SOX5: variants seen among roughly 807,000 people sequenced by gnomAD.
SOX5 encodes the protein transcription factor SOX-5.
Under a neutral mutation model 92.0 loss-of-function variants are expected in SOX5, and 9 were observed. That is an observed-to-expected ratio of 0.10 (90% CI 0.06 to 0.17). The LOEUF is 0.17. SOX5 is among the 10% of genes least tolerant of loss of function. The pLI is 1.00. For synonymous variants in SOX5, 344 were observed against 336.3 expected, an observed-to-expected ratio of 1.02 and a Z score of -0.25; for missense variants, 642 against 944.5, an observed-to-expected ratio of 0.68 and a Z score of 4.20.
chr12:24,072,405 A>G (rs1941912824), intron 4 of SOX5, among the ~76,000 whole-genome samples: 1 of 152,252 alleles, frequency 6.6e-6, no homozygotes. Flanking sequence ...CAATTTATGG[A>G]ACAGATAACA....
At chr12:23,580,118 G>T (rs1949834445) in intron 9 of SOX5, among the ~76,000 whole-genome samples, 1 of 151,940 alleles carries the variant, frequency 6.6e-6, no homozygotes. Flanking sequence ...TACATTTATA[G>T]GGTTCATTAT....
chr12:23,994,463 A>G (rs1161146679), intron 4 of SOX5, among the ~76,000 whole-genome samples: 1 of 152,240 alleles, frequency 6.6e-6, no homozygotes, highest in Admixed American at 6.5e-5. Flanking sequence ...ATAGATACAG[A>G]TATCTACATC....
intron 4 of SOX5, among the ~76,000 whole-genome samples, chr12:24,052,770 C>T (rs1353652555): frequency 7.2e-5 from 11 of 152,176 alleles, no homozygotes; most frequent in Admixed American, 6.5e-4. Flanking sequence ...TAACTGGCTT[C>T]AAGTAACAAT....
At chr12:24,516,190 G>A (rs2138397032) in intron 1 of SOX5, among the ~76,000 whole-genome samples, 1 of 151,986 alleles carries the variant, frequency 6.6e-6, no homozygotes, top group Non-Finnish European at 1.5e-5. Context: ...CTACAAGCAT[G>A]CGCCACCATG....
At chr12:24,501,745 T>G (rs920909313) in intron 1 of SOX5, among the ~76,000 whole-genome samples, 3 of 152,152 alleles carry the variant, frequency 2.0e-5, no homozygotes, top group Admixed American at 6.6e-5. Context: ...AAGGATTGCT[T>G]GAGCTGGGGA....
chr12:23,861,937 A>C (rs1267403294), intron 2 of SOX5, among the ~76,000 whole-genome samples: 1 of 152,224 alleles, frequency 6.6e-6, no homozygotes, highest in Non-Finnish European at 1.5e-5. Context: ...ACACAAAGAC[A>C]GAATATTTGG....
chr12:24,277,637 G>A (rs933440764), intron 2 of SOX5, among the ~76,000 whole-genome samples: 14 of 149,792 alleles, frequency 9.3e-5, no homozygotes, highest in Non-Finnish European at 1.9e-4. Context: ...TGTGGAAGAA[G>A]GGGTATTATC....
intron 4 of SOX5, among the ~76,000 whole-genome samples, chr12:24,180,451 T>C (rs1955362297): frequency 6.6e-6 from 1 of 152,188 alleles, no homozygotes; most frequent in African/African-American, 2.4e-5. Context: ...ACTCCTAAAA[T>C]AACTACTGCA....
chr12:24,170,095 C>T (rs1476673475), intron 4 of SOX5, among the ~76,000 whole-genome samples: 1 of 152,074 alleles, frequency 6.6e-6, no homozygotes, highest in African/African-American at 2.4e-5. Context: ...TTCCTGACCC[C>T]GCCGTTTTTC....
chr12:23,852,615 T>C (rs925839583), intron 2 of SOX5, among the ~76,000 whole-genome samples: 1 of 152,212 alleles, frequency 6.6e-6, no homozygotes, highest in Non-Finnish European at 1.5e-5. Context: ...TAGGCTTTTA[T>C]TTAATTACTA....
intron 11 of SOX5, among the ~76,000 whole-genome samples, chr12:23,556,259 C>T (rs1220007831): frequency 2.6e-5 from 4 of 152,094 alleles, no homozygotes; most frequent in Non-Finnish European, 4.4e-5. Flanking sequence ...TAATCAGTTG[C>T]CTAGAAAGCC....
chr12:23,604,195 A>G (rs1177318613), intron 9 of SOX5, 192 bp downstream of exon 9: 4 of 570,684 alleles, frequency 7.0e-6, no homozygotes, highest in Non-Finnish European at 6.3e-6. Context: ...ACGCATATTG[A>G]ATAAATGAAT....
In SOX5 at chr12:24,258,153, C is replaced by T. The variant is rs560073883; in HGVS notation, c.-77+19063G>A. On this transcript the variant is annotated intron_variant, in intron 3 of 4. Transcript: ENST00000446891. ...GTGCCACTGCACTCCAGCCTGGTAACAGAGCAAGACTCCGTCAAAAAACAC... is the reference window on the plus strand; with the variant it reads ...GTGCCACTGCACTCCAGCCTGGTAATAGAGCAAGACTCCGTCAAAAAACAC... Among the ~76,000 whole-genome samples the T allele has an allele frequency of 2.0e-5, 3 of 152,176 alleles. No homozygotes were observed. The East Asian group carries it at 5.8e-4, about 30-fold the overall frequency.
chr12:24,203,522 T>C (rs969990106), intron 4 of SOX5, among the ~76,000 whole-genome samples: 5 of 152,348 alleles, frequency 3.3e-5, no homozygotes, highest in Middle Eastern at 6.8e-3. Flanking sequence ...CATTTCATTA[T>C]TTGTATATCT....
At chr12:23,751,424 T>G (rs1397415568) in intron 4 of SOX5, among the ~76,000 whole-genome samples, 2 of 151,930 alleles carry the variant, frequency 1.3e-5, no homozygotes, top group African/African-American at 2.4e-5. Context: ...TTAGTTTCCA[T>G]GTTTTAAATT....
chr12:24,243,566 C>T (rs963372588), intron 3 of SOX5, among the ~76,000 whole-genome samples: 1 of 152,060 alleles, frequency 6.6e-6, no homozygotes, highest in Non-Finnish European at 1.5e-5. Context: ...TATAATCAGT[C>T]CATGTAAGTA....
chr12:23,830,561 A>C (rs2096299651), intron 3 of SOX5, among the ~76,000 whole-genome samples: 1 of 152,130 alleles, frequency 6.6e-6, no homozygotes, highest in South Asian at 2.1e-4. Context: ...AACTAAACAA[A>C]AGCAACTCAA....
At chr12:24,203,506 T>C (rs1055906269) in intron 4 of SOX5, among the ~76,000 whole-genome samples, 3 of 152,224 alleles carry the variant, frequency 2.0e-5, no homozygotes, top group African/African-American at 7.2e-5. Context: ...CACACGCATA[T>C]ACTCCCATTT....
chr12:23,821,859 G>A (rs1277216492), intron 3 of SOX5, among the ~76,000 whole-genome samples: 2 of 152,108 alleles, frequency 1.3e-5, no homozygotes, highest in Non-Finnish European at 2.9e-5. Context: ...GAGGGTGTAT[G>A]TGCCCAGGAA....
Sources: gnomAD v4.1 joint callset for allele counts (sites outside exome capture counted in the v4.1 genomes callset) on GRCh38, gnomAD v4.1.1 for gene constraint, MANE v1.5 for transcripts, NCBI Gene and HGNC (gene_info 2026-07-23, HGNC 2026-07-21) for gene names.